Variants in GPR78 observed in about 807,000 individuals in gnomAD.
The protein encoded by GPR78 is G protein-coupled receptor 78.
Under a neutral mutation model 17.9 loss-of-function variants are expected in GPR78, and 29 were observed. The ratio of observed to expected loss-of-function variants is 1.62; its 90% confidence interval spans 1.20 to 2.21. The LOEUF (loss-of-function observed/expected upper bound fraction) is 2.21, where lower values mean the gene tolerates loss of function less well. GPR78 is among the 30% of genes most tolerant of loss of function. The pLI is 0.00. For missense variants in GPR78, 649 were observed against 530.5 expected, an observed-to-expected ratio of 1.22 and a Z score of -2.19; for synonymous variants, 349 against 256.9, an observed-to-expected ratio of 1.36 and a Z score of -3.43.
Position 8,587,621 on chromosome 4 carries a change from C to G in GPR78, c.*258C>G, listed in dbSNP as rs9799720. 57,927 of 564,984 alleles carry G rather than the reference C, an allele frequency of 0.1. 3,322 individuals carry two copies. The highest frequency in any genetic ancestry group is 0.14 in the African/African-American group (7,444 of 53,282). The allele number at this position is 564,984 out of a possible 1,614,324, so 35.0% of individuals were successfully genotyped here. On this transcript the variant is annotated 3_prime_UTR_variant, in exon 3 of 3. Coordinates refer to ENST00000382487, the MANE Select transcript of GPR78 (RefSeq NM_080819.5). ...GCTTTTCCTCTCTGAACCTTAGCTT[C>G]CTCACCCTTGTTCTGGGGTCATGGC...
Position 8,587,141 on chromosome 4 carries a change from C to T in GPR78, c.870C>T (p.Asp290=), listed in dbSNP as rs745712591. 2 of 1,613,286 alleles carry T rather than the reference C, an allele frequency of 1.2e-6. No homozygotes were observed. Among genetic ancestry groups the T allele is most frequent in the Admixed American group, 1.7e-5 (1 of 60,004 alleles). Reference sequence around the variant, plus strand: ...TGACCTACAGCAAGGCGGTGGCCGACCCGTTCACGTACTCTCTGCTCCGCC... The same window carrying T: ...TGACCTACAGCAAGGCGGTGGCCGATCCGTTCACGTACTCTCTGCTCCGCC... ...KCLTYSKAVA[D]PFTYSLLRRP... The change falls in exon 3 of 3, where the codon GAC becomes GAT. Residue 290 remains aspartate, a synonymous_variant. Coordinates refer to ENST00000382487, the MANE Select transcript of GPR78 (RefSeq NM_080819.5).
Position 8,588,920 on chromosome 4 carries a change from G to T in GPR78, c.*1557G>T, listed in dbSNP as rs185163028. 6.6e-6 allele frequency among the ~76,000 whole-genome samples: 1 copy of T among 152,332 alleles called. No homozygotes were observed. Among genetic ancestry groups the T allele is most frequent in the Non-Finnish European group, 1.5e-5 (1 of 68,024 alleles). On this transcript the variant is annotated 3_prime_UTR_variant, in exon 3 of 3. Coordinates refer to ENST00000382487, the MANE Select transcript of GPR78 (RefSeq NM_080819.5). ...CTGACTCTGTTGCCTAGGCTAGAGT[G>T]CAGTGGTGCAATCTCAGCTCACTGC...
At position 8,581,325 on chromosome 4, in the gene GPR78, G is replaced by C; in HGVS notation, c.343G>C (p.Ala115Pro). ...WLAVGFPLRYAGRLRPRYAGL... is the reference protein window; with the variant it reads ...WLAVGFPLRYPGRLRPRYAGL... Reference sequence around the variant, plus strand: ...GGCAGTGGGCTTCCCACTGCGCTACGCCGGACGCCTGCGACCGCGCTATGC... The same window carrying C: ...GGCAGTGGGCTTCCCACTGCGCTACCCCGGACGCCTGCGACCGCGCTATGC... The change falls in exon 1 of 3, where the codon GCC becomes CCC. Residue 115 changes from alanine (A) to proline (P), a missense_variant. Transcript: ENST00000382487. 1.3e-6 allele frequency: 2 copies of C among 1,577,936 alleles called. No individual in the cohort carries two copies. Among genetic ancestry groups the C allele is most frequent in the Non-Finnish European group, 1.7e-6 (2 of 1,168,060 alleles).
At chr4:8,586,765 A>G (rs948484598) in intron 2 of GPR78, among the ~76,000 whole-genome samples, 3 of 152,032 alleles carry the variant, frequency 2.0e-5, no homozygotes, top group Non-Finnish European at 4.4e-5. Flanking sequence ...GAGTGTGAGG[A>G]TGGTGGGAGA....
chr4:8,587,366 GC>G lies in GPR78; in HGVS notation c.*5del, dbSNP rs560206185. On this transcript the variant is annotated 3_prime_UTR_variant, in exon 3 of 3. Transcript: ENST00000382487. ...CCTGCCTGCAGCAGACACACTGAGG[GC>G]CTGGCAGGGCTCATCGCCCCCACCT... is the stretch of plus-strand genomic sequence containing the variant. 129 of 1,609,166 alleles carry G rather than the reference GC, an allele frequency of 8.0e-5. No individual in the cohort carries two copies. The African/African-American group carries it at 1.4e-3, about 17-fold the overall frequency.
At position 8,582,652 on chromosome 4, in the gene GPR78, C is replaced by T; in HGVS notation, c.782+8C>T. 7 of 1,570,122 alleles carry T rather than the reference C, an allele frequency of 4.5e-6. No individual in the cohort carries two copies. The highest frequency in any genetic ancestry group is 6.1e-6 in the Non-Finnish European group (7 of 1,140,006). On this transcript the variant is annotated splice_region_variant and intron_variant, in intron 2 of 2. Coordinates refer to ENST00000382487, the MANE Select transcript of GPR78 (RefSeq NM_080819.5). ...CCCGTATGTCATGACCAGGTGGGTCCTGGCAGTCCGGCTCCTGTTGTGGGA... is the reference window on the plus strand; with the variant it reads ...CCCGTATGTCATGACCAGGTGGGTCTTGGCAGTCCGGCTCCTGTTGTGGGA...
rs1274851204 is a variant in GPR78, at chr4:8,588,284, G to A, written c.*921G>A. On this transcript the variant is annotated 3_prime_UTR_variant, in exon 3 of 3. Transcript: ENST00000382487. ...CCCTTGCTCCCCAACAGCAGTGCTG[G>A]GGGAGCCAAGAGAAGGTGGAGCATC... Among the ~76,000 whole-genome samples the A allele has an allele frequency of 2.6e-5, 4 of 152,204 alleles. No homozygotes were observed. Among genetic ancestry groups the A allele is most frequent in the African/African-American group, 9.6e-5 (4 of 41,460 alleles).
Position 8,581,270 on chromosome 4 carries a change from C to T in GPR78, c.288C>T (p.Ser96=), listed in dbSNP as rs780411794. Residue 96 remains serine (S), a synonymous_variant, in exon 1 of 3, where the codon AGC becomes AGT. Transcript: ENST00000382487. ...TCCTGGCGTCCAACGCGGCGCTGAGCGTGGCGGCGCTGAGCGCAGACCAGT... is the reference window on the plus strand; with the variant it reads ...TCCTGGCGTCCAACGCGGCGCTGAGTGTGGCGGCGCTGAGCGCAGACCAGT... The part of the protein sequence containing the change: ...DTFLASNAAL[S]VAALSADQWL... 1.8e-5 allele frequency: 28 copies of T among 1,589,660 alleles called. No homozygotes were observed. The highest frequency in any genetic ancestry group is 6.7e-5 in the African/African-American group (5 of 74,790).
In GPR78 at chr4:8,581,516, C is replaced by G; in HGVS notation, c.534C>G (p.Ala178=). The G allele has an allele frequency of 1.9e-6, 3 of 1,590,584 alleles. No homozygotes were observed. The highest frequency in any genetic ancestry group is 2.6e-6 in the Non-Finnish European group (3 of 1,176,432). ...RFAAFTATLH[A]VGFVLPLAVL... is the part of the protein sequence containing the mutation. Reference sequence around the variant, plus strand: ...CAGCCTTCACCGCCACGCTCCATGCCGTGGGCTTCGTGCTGCCGCTGGCGG... The same window carrying G: ...CAGCCTTCACCGCCACGCTCCATGCGGTGGGCTTCGTGCTGCCGCTGGCGG... Residue 178 remains alanine, a synonymous_variant, in exon 1 of 3, where the codon GCC becomes GCG. Coordinates refer to ENST00000382487, the MANE Select transcript of GPR78 (RefSeq NM_080819.5).
rs989691572 is a variant in GPR78 at position 8,587,265 on chromosome 4, A to G, written c.994A>G (p.Met332Val). 1.3e-6 allele frequency: 2 copies of G among 1,598,004 alleles called. No homozygotes were observed. The highest frequency in any genetic ancestry group is 1.7e-6 in the Non-Finnish European group (2 of 1,169,248). The part of the protein sequence containing the change: ...THDSSLDVAG[M>V]VHQLLKRTPR... ...TGACAGCTCTCTGGATGTGGCCGGCATGGTGCACCAGCTGCTGAAGAGAAC... is the reference window on the plus strand; with the variant it reads ...TGACAGCTCTCTGGATGTGGCCGGCGTGGTGCACCAGCTGCTGAAGAGAAC... Residue 332 changes from methionine (M) to valine (V), a missense_variant, in exon 3 of 3, where the codon ATG becomes GTG. Transcript: ENST00000382487.
At position 8,581,509 on chromosome 4, in the gene GPR78, T is replaced by A. The variant is rs761863563; in HGVS notation, c.527T>A (p.Leu176His). The A allele has an allele frequency of 6.3e-7, 1 of 1,592,038 alleles. No homozygotes were observed. Among genetic ancestry groups the A allele is most frequent in the East Asian group, 2.2e-5 (1 of 44,588 alleles). The stretch of plus-strand genomic sequence containing the variant: ...CGCTTCGCAGCCTTCACCGCCACGC[T>A]CCATGCCGTGGGCTTCGTGCTGCCG... ...RPRFAAFTAT[L>H]HAVGFVLPLA... Residue 176 changes from leucine to histidine, a missense_variant, in exon 1 of 3, where the codon CTC becomes CAC. Transcript: ENST00000382487.
At chr4:8,585,832 G>A (rs1713482612) in intron 2 of GPR78, among the ~76,000 whole-genome samples, 1 of 152,198 alleles carries the variant, frequency 6.6e-6, no homozygotes, top group Admixed American at 6.5e-5. Context: ...GGGTGCCTCG[G>A]AGGGAGGGAG....
Position 8,582,524 on chromosome 4 carries a change from C to T in GPR78, c.669-7C>T, listed in dbSNP as rs374263163. ...ATCATCCTGACCACTGTCCTCTGTC[C>T]CCACAGTGTGCGGCAGCGCTGCCTC... On this transcript the variant is annotated splice_region_variant and splice_polypyrimidine_tract_variant and intron_variant, in intron 1 of 2. Coordinates refer to ENST00000382487, the MANE Select transcript of GPR78 (RefSeq NM_080819.5). The T allele has an allele frequency of 6.4e-4, 1,020 of 1,593,774 alleles. 1 individual carries two copies. The highest frequency in any genetic ancestry group is 8.3e-4 in the Non-Finnish European group (966 of 1,169,306).
Position 8,580,932 on chromosome 4 carries a change from C to T in GPR78, c.-51C>T. 6.9e-7 allele frequency: 1 copy of T among 1,439,028 alleles called. No homozygotes were observed. Among genetic ancestry groups the T allele is most frequent in the Non-Finnish European group, 9.2e-7 (1 of 1,092,100 alleles). 89.1% of individuals were successfully genotyped at this position (1,439,028 alleles called of 1,614,324 possible). A position where few individuals can be genotyped will look rare whatever the true frequency, so the allele number is the denominator to read the frequency against. On this transcript the variant is annotated 5_prime_UTR_variant, in exon 1 of 3. Transcript: ENST00000382487. Reference sequence around the variant, plus strand: ...ATCGCCTCACTTTCCCAGGCTCGCGCCCGAAGCAGAGCCATGAGAACCCCA... The same window carrying T: ...ATCGCCTCACTTTCCCAGGCTCGCGTCCGAAGCAGAGCCATGAGAACCCCA...
intron 2 of GPR78, among the ~76,000 whole-genome samples, chr4:8,584,895 G>T (rs541203388): frequency 3.3e-5 from 5 of 152,200 alleles, no homozygotes; most frequent in Non-Finnish European, 4.4e-5. Context: ...TCTTCTCCTG[G>T]GAATTGTTTT....
chr4:8,589,692 C>T lies in GPR78; in HGVS notation c.*2329C>T, dbSNP rs1295825457. Among the ~76,000 whole-genome samples the T allele has an allele frequency of 3.3e-5, 5 of 152,214 alleles. No homozygotes were observed. Among genetic ancestry groups the T allele is most frequent in the Admixed American group, 6.5e-5 (1 of 15,292 alleles). On this transcript the variant is annotated 3_prime_UTR_variant, in exon 3 of 3. Coordinates refer to ENST00000382487, the MANE Select transcript of GPR78 (RefSeq NM_080819.5). ...AGCCTTGGTCACTACTTTAGAGCCACTCAAGGAAACGCGTGCACCCTGCCC... is the reference window on the plus strand; with the variant it reads ...AGCCTTGGTCACTACTTTAGAGCCATTCAAGGAAACGCGTGCACCCTGCCC...
rs550697556 is a variant in GPR78 at position 8,587,170 on chromosome 4, C to T, written c.899C>T (p.Pro300Leu). Reference protein sequence around the residue: ...DPFTYSLLRRPFRQVLAGMVH... With the variant: ...DPFTYSLLRRLFRQVLAGMVH... Reference sequence around the variant, plus strand: ...TTCACGTACTCTCTGCTCCGCCGGCCGTTCCGCCAAGTCCTGGCCGGCATG... The same window carrying T: ...TTCACGTACTCTCTGCTCCGCCGGCTGTTCCGCCAAGTCCTGGCCGGCATG... Residue 300 changes from proline to leucine, a missense_variant, in exon 3 of 3, where the codon CCG becomes CTG. Pro to Leu is a moderately conservative substitution (Grantham distance 98). Coordinates refer to ENST00000382487, the MANE Select transcript of GPR78 (RefSeq NM_080819.5). 8.7e-6 allele frequency: 14 copies of T among 1,613,238 alleles called. No individual in the cohort carries two copies. Among genetic ancestry groups the T allele is most frequent in the South Asian group, 7.7e-5 (7 of 91,082 alleles).
In GPR78 at chr4:8,581,112, C is replaced by G; in HGVS notation, c.130C>G (p.Leu44Val). ...GCTCCGCACTCGAGCCTCAGGCGTCCTCCTGGTGAATCTGTCTCTGGGCCA... is the reference window on the plus strand; with the variant it reads ...GCTCCGCACTCGAGCCTCAGGCGTCGTCCTGGTGAATCTGTCTCTGGGCCA... Reference protein sequence around the residue: ...AELRTRASGVLLVNLSLGHLL... With the variant: ...AELRTRASGVVLVNLSLGHLL... The change falls in exon 1 of 3, where the codon CTC (leucine) becomes GTC (valine). Residue 44 changes from leucine to valine, a missense_variant. Leu to Val is a conservative substitution (Grantham distance 32). Transcript: ENST00000382487. 1.2e-6 allele frequency: 2 copies of G among 1,606,496 alleles called. No homozygotes were observed. Among genetic ancestry groups the G allele is most frequent in the Non-Finnish European group, 1.7e-6 (2 of 1,179,742 alleles).
rs1164199898 is a variant in GPR78 at position 8,588,879 on chromosome 4, CTT to C, written c.*1520_*1521del. On this transcript the variant is annotated 3_prime_UTR_variant, in exon 3 of 3. Transcript: ENST00000382487. ...GTGTTATTATTATACTTTTAAAAAA[CTT>C]TTTGAGACAGGGTCTGACTCTGTTG... Among the ~76,000 whole-genome samples the C allele has an allele frequency of 3.9e-5, 6 of 152,160 alleles. No homozygotes were observed. Among genetic ancestry groups the C allele is most frequent in the East Asian group, 3.9e-4 (2 of 5,192 alleles).
Sources: gnomAD v4.1 joint callset for allele counts (sites outside exome capture counted in the v4.1 genomes callset) on GRCh38, gnomAD v4.1.1 for gene constraint, MANE v1.5 for transcripts, NCBI Gene and HGNC (gene_info 2026-07-23, HGNC 2026-07-21) for gene names.